Variants in GNA14 observed in about 807,000 individuals in gnomAD.
GNA14 encodes G protein subunit alpha 14, also known as guanine nucleotide-binding protein subunit alpha-14.
Under a neutral mutation model 42.0 loss-of-function variants are expected in GNA14, and 50 were observed. The ratio of observed to expected loss-of-function variants is 1.19; its 90% CI spans 0.95 to 1.51. GNA14 has a LOEUF of 1.51. GNA14 is among the 40% of genes most tolerant of loss of function. The probability of loss-of-function intolerance (pLI) is 0.00; values close to 1 mark genes in which losing one functional copy is unlikely to be tolerated. For missense variants in GNA14, 473 were observed against 446.2 expected, an observed-to-expected ratio of 1.06 and a Z score of -0.54; for synonymous variants, 173 against 163.1, an observed-to-expected ratio of 1.06 and a Z score of -0.46.
At chr9:77,456,785 A>G (rs560376794) in intron 2 of GNA14, among the ~76,000 whole-genome samples, 31 of 152,294 alleles carry the variant, frequency 2.0e-4, no homozygotes, top group African/African-American at 7.5e-4. Context: ...AATATAATAT[A>G]GTTATTGGAA....
chr9:77,431,550 C>T, intron 3 of GNA14, 101 bp from the exon 4 acceptor site: 2 of 1,003,868 alleles, frequency 2.0e-6, no homozygotes, highest in Middle Eastern at 2.8e-4. Context: ...GAGCCCCACA[C>T]AGACACACGA....
At chr9:77,453,662 T>C (rs1422037391) in intron 2 of GNA14, among the ~76,000 whole-genome samples, 1 of 152,202 alleles carries the variant, frequency 6.6e-6, no homozygotes, top group Non-Finnish European at 1.5e-5. Flanking sequence ...AGAACAGCCC[T>C]GAAGCTACAA....
At chr9:77,431,685 C>T in intron 3 of GNA14, 1 of 410,700 alleles carries the variant, frequency 2.4e-6, no homozygotes, top group Non-Finnish European at 4.4e-6. Context: ...CTGCAGAGCA[C>T]TCCGTCTCTT....
In GNA14 at chr9:77,478,204, A is replaced by T. The variant is rs1224297120; in HGVS notation, c.310-43682T>A. Among the ~76,000 whole-genome samples the T allele has an allele frequency of 5.1e-5, 6 of 118,302 alleles. No individual in the cohort carries two copies. In the East Asian group the frequency reaches 8.0e-4, roughly 16 times the overall value. The allele number at this position is 118,302 out of a possible 152,430, so 77.6% of individuals were successfully genotyped here. The stretch of plus-strand genomic sequence containing the variant: ...CCCCCCACCCCACAACAGTCCCCGG[A>T]GTGTGATGTTCCCCTTCCTGTGTCC... On this transcript the variant is annotated intron_variant, in intron 2 of 6. Transcript: ENST00000341700.
intron 2 of GNA14, chr9:77,518,152 C>T (rs1837291445): frequency 6.6e-6 from 1 of 151,984 alleles, no homozygotes; most frequent in African/African-American, 2.4e-5. Flanking sequence ...CCAACATAGC[C>T]CTCAATGGAG....
intron 2 of GNA14, among the ~76,000 whole-genome samples, chr9:77,480,203 T>A (rs1836518318): frequency 1.3e-5 from 2 of 152,194 alleles, no homozygotes; most frequent in African/African-American, 4.8e-5. Context: ...TAGATAGCTC[T>A]TATTATTTTG....
intron 1 of GNA14, among the ~76,000 whole-genome samples, chr9:77,555,548 A>G (rs1417909072): frequency 3.3e-5 from 5 of 152,288 alleles, no homozygotes; most frequent in Admixed American, 2.6e-4. Flanking sequence ...GTGTGTGTCT[A>G]TCTAGAGAAA....
chr9:77,451,248 T>TGAGGAGGG (rs1459553992), intron 2 of GNA14, among the ~76,000 whole-genome samples: 6 of 152,044 alleles, frequency 3.9e-5, no homozygotes, highest in African/African-American at 1.4e-4. Flanking sequence ...ATTGGTAAAA[T>TGAGGAGGG]GAGGAGGGGA....
chr9:77,647,259 T>C (rs1261885637), intron 1 of GNA14, among the ~76,000 whole-genome samples: 1 of 152,196 alleles, frequency 6.6e-6, no homozygotes, highest in African/African-American at 2.4e-5. Flanking sequence ...ATTCTCAAGA[T>C]GCTTCATCTA....
At chr9:77,628,236 A>G (rs1463064968) in intron 1 of GNA14, among the ~76,000 whole-genome samples, 1 of 152,198 alleles carries the variant, frequency 6.6e-6, no homozygotes, top group Non-Finnish European at 1.5e-5. Context: ...TCAAGGAAAT[A>G]AGAGAGGACA....
At chr9:77,593,738 G>A (rs1210827181) in intron 1 of GNA14, among the ~76,000 whole-genome samples, 2 of 152,194 alleles carry the variant, frequency 1.3e-5, no homozygotes, top group African/African-American at 4.8e-5. Flanking sequence ...AACACATCCT[G>A]CAAAGAATCA....
chr9:77,620,630 C>T (rs1330132394), intron 1 of GNA14, among the ~76,000 whole-genome samples: 6 of 152,078 alleles, frequency 3.9e-5, no homozygotes, highest in Admixed American at 6.5e-5. Flanking sequence ...AGGTGGATCA[C>T]GAGGTCAGGA....
chr9:77,457,541 G>T (rs1369295285), intron 2 of GNA14, among the ~76,000 whole-genome samples: 1 of 152,132 alleles, frequency 6.6e-6, no homozygotes, highest in South Asian at 2.1e-4. Flanking sequence ...ATGCCCTACC[G>T]GAGTGTGAGA....
chr9:77,563,849 T>C (rs1822922743), intron 1 of GNA14, among the ~76,000 whole-genome samples: 1 of 152,172 alleles, frequency 6.6e-6, no homozygotes, highest in Non-Finnish European at 1.5e-5. Context: ...GAGCGCAATT[T>C]GGGGTCTTGA....
chr9:77,446,146 C>T (rs1432853219), intron 2 of GNA14, among the ~76,000 whole-genome samples: 2 of 152,204 alleles, frequency 1.3e-5, no homozygotes, highest in Non-Finnish European at 2.9e-5. Context: ...GACCAAAAGA[C>T]CCCTCCACAG....
At chr9:77,623,423 G>C (rs1403641167) in intron 1 of GNA14, among the ~76,000 whole-genome samples, 1 of 151,990 alleles carries the variant, frequency 6.6e-6, no homozygotes, top group African/African-American at 2.4e-5. Flanking sequence ...CCATAAAGGA[G>C]AAAGAATAAG....
intron 2 of GNA14, among the ~76,000 whole-genome samples, chr9:77,503,948 T>A (rs1024871053): frequency 1.3e-5 from 2 of 152,144 alleles, no homozygotes; most frequent in Non-Finnish European, 2.9e-5. Context: ...TCCAAAGTGC[T>A]AGGATTGCAG....
At chr9:77,496,281 A>ACT (rs1340945411) in intron 2 of GNA14, among the ~76,000 whole-genome samples, 1 of 152,198 alleles carries the variant, frequency 6.6e-6, no homozygotes, top group Non-Finnish European at 1.5e-5. Context: ...TACCCAGGTT[A>ACT]CTTCCACCTT....
At chr9:77,547,584 T>C (rs1053459208) in intron 1 of GNA14, among the ~76,000 whole-genome samples, 1 of 152,184 alleles carries the variant, frequency 6.6e-6, no homozygotes, top group East Asian at 1.9e-4. Flanking sequence ...ATTAAAATGA[T>C]GGAAAAGGCA....
Sources: gnomAD v4.1 joint callset for allele counts (sites outside exome capture counted in the v4.1 genomes callset) on GRCh38, gnomAD v4.1.1 for gene constraint, MANE v1.5 for transcripts, NCBI Gene and HGNC (gene_info 2026-07-23, HGNC 2026-07-21) for gene names.